The following RARB variants were observed in gnomAD, a reference collection of about 807,000 sequenced individuals.
RARB encodes the protein retinoic acid receptor beta.
In RARB, 17 loss-of-function variants were observed where a neutral mutation model predicts 51.9. The ratio of observed to expected loss-of-function variants is 0.33; its 90% CI spans 0.22 to 0.49. The LOEUF (loss-of-function observed/expected upper bound fraction) is 0.49. Among genes scored for constraint, RARB ranks in the 20% least tolerant of loss-of-function variants. RARB has a pLI of 0.99. For missense variants in RARB, 369 were observed against 550.8 expected (o/e 0.67, Z 3.30); for synonymous variants, 215 against 195.4 (o/e 1.10, Z -0.84).
chr3:25,006,915 G>A (rs1697283468), intron 2 of RARB, among the ~76,000 whole-genome samples: 1 of 152,048 alleles, frequency 6.6e-6, no homozygotes, highest in Non-Finnish European at 1.5e-5. Context: ...GAAAGCAGAA[G>A]GTCAGTGACT....
At chr3:25,201,859 C>T (rs1056691955) in intron 5 of RARB, among the ~76,000 whole-genome samples, 4 of 151,964 alleles carry the variant, frequency 2.6e-5, no homozygotes, top group African/African-American at 4.8e-5. Context: ...ATTTTTGCAT[C>T]GATGTTCATC....
chr3:25,391,668 T>C (rs1413532963), intron 5 of RARB, among the ~76,000 whole-genome samples: 1 of 152,230 alleles, frequency 6.6e-6, no homozygotes, highest in Non-Finnish European at 1.5e-5. Context: ...TTCATATGTT[T>C]GTTGGCCATT....
chr3:25,367,421 C>CT (rs1341763742), intron 5 of RARB, among the ~76,000 whole-genome samples: 1 of 152,042 alleles, frequency 6.6e-6, no homozygotes, highest in Non-Finnish European at 1.5e-5. Context: ...GGTATGTCTG[C>CT]TTTTATATGC....
chr3:25,361,585 CT>C (rs962458781), intron 5 of RARB, among the ~76,000 whole-genome samples: 1 of 152,140 alleles, frequency 6.6e-6, no homozygotes, highest in Non-Finnish European at 1.5e-5. Flanking sequence ...AATCTTCAGC[CT>C]TTTTTTGCCA....
At chr3:24,925,502 G>C (rs1428929081) in intron 2 of RARB, among the ~76,000 whole-genome samples, 1 of 151,782 alleles carries the variant, frequency 6.6e-6, no homozygotes, top group Non-Finnish European at 1.5e-5. Context: ...ATTTAGCTGG[G>C]CATGGTGTGC....
At chr3:25,261,819 C>A (rs555788079) in intron 5 of RARB, among the ~76,000 whole-genome samples, 24 of 152,184 alleles carry the variant, frequency 1.6e-4, no homozygotes, top group Non-Finnish European at 3.2e-4. Flanking sequence ...CCAGCCATCA[C>A]TAATGCCTGC....
At chr3:24,978,760 G>T (rs1696575142) in intron 2 of RARB, among the ~76,000 whole-genome samples, 1 of 149,696 alleles carries the variant, frequency 6.7e-6, no homozygotes, top group African/African-American at 2.5e-5. Context: ...CTTTAGTTCT[G>T]CTCTGATCTT....
At chr3:25,443,346 C>A (rs1400962858) in intron 1 of RARB, among the ~76,000 whole-genome samples, 1 of 151,994 alleles carries the variant, frequency 6.6e-6, no homozygotes, top group Non-Finnish European at 1.5e-5. Flanking sequence ...ACTTTGAGGT[C>A]ACAGAAATAG....
At chr3:25,449,528 T>C (rs1401137525) in intron 1 of RARB, among the ~76,000 whole-genome samples, 1 of 152,202 alleles carries the variant, frequency 6.6e-6, no homozygotes, top group African/African-American at 2.4e-5. Context: ...GGACAGCTGC[T>C]TGTGACAGGA....
chr3:25,396,902 G>A (rs918232686), intron 5 of RARB, among the ~76,000 whole-genome samples: 14 of 152,158 alleles, frequency 9.2e-5, no homozygotes, highest in African/African-American at 3.4e-4. Flanking sequence ...ACAGCACCCA[G>A]TGTATATCTA....
At chr3:25,189,535 C>G (rs1357913038) in intron 5 of RARB, among the ~76,000 whole-genome samples, 1 of 152,086 alleles carries the variant, frequency 6.6e-6, no homozygotes. Flanking sequence ...CAACAGACAA[C>G]AGGTGATGGA....
intron 1 of RARB, among the ~76,000 whole-genome samples, chr3:25,430,377 T>C (rs1183024450): frequency 6.6e-6 from 1 of 152,238 alleles, no homozygotes; most frequent in Non-Finnish European, 1.5e-5. Context: ...TATGAACAAT[T>C]TCTGTTGGAA....
At chr3:25,174,252 G>T (rs1700699426) in exon 5 of RARB, 2 of 512,454 alleles carry the variant, frequency 3.9e-6, no homozygotes, top group South Asian at 3.8e-5. Flanking sequence ...GAAGAAGCAA[G>T]GTCATCAGTT....
At chr3:24,955,909 T>C (rs1444140376) in intron 2 of RARB, among the ~76,000 whole-genome samples, 1 of 152,138 alleles carries the variant, frequency 6.6e-6, no homozygotes, top group South Asian at 2.1e-4. Context: ...TCTCTGGGCA[T>C]AGGGATGACA....
chr3:25,113,215 A>G (rs1053580578), intron 3 of RARB, among the ~76,000 whole-genome samples: 7 of 152,140 alleles, frequency 4.6e-5, no homozygotes, highest in African/African-American at 1.7e-4. Context: ...AATTGTTTCA[A>G]TTAGCAATTA....
chr3:24,983,104 C>T (rs1696711848), intron 2 of RARB, among the ~76,000 whole-genome samples: 2 of 152,066 alleles, frequency 1.3e-5, no homozygotes, highest in South Asian at 4.1e-4. Context: ...GATAGTAGAG[C>T]CACTCCTGGT....
intron 5 of RARB, among the ~76,000 whole-genome samples, chr3:25,359,013 G>A (rs1705840271): frequency 6.6e-6 from 1 of 151,806 alleles, no homozygotes. Context: ...TTAGAGAGGA[G>A]TCACTCTTTT....
chr3:24,932,989 A>C (rs569179705), intron 2 of RARB, among the ~76,000 whole-genome samples: 9 of 152,246 alleles, frequency 5.9e-5, no homozygotes, highest in African/African-American at 2.2e-4. Flanking sequence ...GGGCAGAATA[A>C]ATTTATCTTC....
At chr3:25,418,695 C>T (rs1575386730) in intron 5 of RARB, among the ~76,000 whole-genome samples, 2 of 152,054 alleles carry the variant, frequency 1.3e-5, no homozygotes, top group South Asian at 2.1e-4. Flanking sequence ...GACTAACTCT[C>T]ACTCCACTGA....
Sources: gnomAD v4.1 joint callset for allele counts (sites outside exome capture counted in the v4.1 genomes callset) on GRCh38, gnomAD v4.1.1 for gene constraint, MANE v1.5 for transcripts, NCBI Gene and HGNC (gene_info 2026-07-23, HGNC 2026-07-21) for gene names.